SGCZ: variants seen among roughly 807,000 people sequenced by gnomAD.
The protein encoded by SGCZ is zeta-sarcoglycan.
A neutral mutation model predicts 41.3 loss-of-function variants in SGCZ; 40 were observed. The ratio of observed to expected loss-of-function variants is 0.97; its 90% CI spans 0.75 to 1.26. The LOEUF (loss-of-function observed/expected upper bound fraction) is 1.26. Ranked by LOEUF, SGCZ falls within the 50% of genes most tolerant of loss-of-function variation. The pLI is 0.00. For synonymous variants in SGCZ, 206 were observed against 137.5 expected, an observed-to-expected ratio of 1.50 and a Z score of -3.49; for missense variants, 552 against 369.8, an observed-to-expected ratio of 1.49 and a Z score of -4.04.
chr8:15,205,438 C>T (rs961287601), intron 1 of SGCZ, among the ~76,000 whole-genome samples: 8 of 151,930 alleles, frequency 5.3e-5, no homozygotes, highest in African/African-American at 1.7e-4. Context: ...AAAAAGTGGG[C>T]AAAGGACATG....
intron 2 of SGCZ, among the ~76,000 whole-genome samples, chr8:14,436,903 C>T (rs1365976888): frequency 2.0e-5 from 3 of 152,036 alleles, no homozygotes; most frequent in African/African-American, 4.8e-5. Context: ...TAGAAATTTT[C>T]TAAAGAAATA....
chr8:14,380,637 A>T (rs1013400251), intron 2 of SGCZ, among the ~76,000 whole-genome samples: 1 of 152,178 alleles, frequency 6.6e-6, no homozygotes, highest in Non-Finnish European at 1.5e-5. Context: ...GCACATCGTC[A>T]GGTCAACAGG....
intron 1 of SGCZ, among the ~76,000 whole-genome samples, chr8:14,637,955 C>T (rs1445249243): frequency 6.6e-6 from 1 of 151,870 alleles, no homozygotes; most frequent in Non-Finnish European, 1.5e-5. Flanking sequence ...GTTCTGTTTT[C>T]TCCACAGCTT....
intron 1 of SGCZ, among the ~76,000 whole-genome samples, chr8:15,013,835 C>A (rs1012629650): frequency 6.6e-6 from 1 of 152,092 alleles, no homozygotes; most frequent in African/African-American, 2.4e-5. Context: ...AAGAAAACAG[C>A]AAACGAGGCA....
chr8:15,116,074 C>G (rs1264506779), intron 1 of SGCZ, among the ~76,000 whole-genome samples: 1 of 152,102 alleles, frequency 6.6e-6, no homozygotes, highest in East Asian at 1.9e-4. Flanking sequence ...AGCTTCATTC[C>G]AATCAAAAAC....
intron 1 of SGCZ, among the ~76,000 whole-genome samples, chr8:15,209,514 G>T (rs1801173615): frequency 2.2e-5 from 3 of 138,928 alleles, no homozygotes; most frequent in African/African-American, 8.0e-5. Flanking sequence ...GTGGCTTTCA[G>T]CTTGTGTTAA....
chr8:14,951,237 T>TAAAA (rs1800628320), intron 1 of SGCZ, among the ~76,000 whole-genome samples: 1 of 151,990 alleles, frequency 6.6e-6, no homozygotes, highest in Non-Finnish European at 1.5e-5. Flanking sequence ...GAATTATTAA[T>TAAAA]TTCATGTAAA....
chr8:14,689,348 T>A, intron 1 of SGCZ, among the ~76,000 whole-genome samples: 1 of 152,282 alleles, frequency 6.6e-6, no homozygotes, highest in South Asian at 2.1e-4. Context: ...GATTATGTGG[T>A]AAGTAAAAAA....
At chr8:14,870,315 A>T (rs1585334697) in intron 1 of SGCZ, among the ~76,000 whole-genome samples, 3 of 151,524 alleles carry the variant, frequency 2.0e-5, no homozygotes, top group South Asian at 2.1e-4. Context: ...ACGCGGTGAA[A>T]CCCCATCCCT....
At chr8:14,615,539 T>C (rs1221081216) in intron 1 of SGCZ, among the ~76,000 whole-genome samples, 1 of 152,202 alleles carries the variant, frequency 6.6e-6, no homozygotes, top group Non-Finnish European at 1.5e-5. Context: ...GTATCAAGAA[T>C]ATAGTAAGAA....
rs1801584688 is a variant in SGCZ, at chr8:14,088,315, G to A, written c.*2128C>T. On this transcript the variant is annotated 3_prime_UTR_variant, in exon 8 of 8. Coordinates refer to ENST00000382080, the MANE Select transcript of SGCZ (RefSeq NM_139167.4). ...CAATTGATTAGTAGAAGACAGCTGA[G>A]ATTAGAAACAGGGCCAGTTCCTAAT... is the stretch of plus-strand genomic sequence containing the variant. 6.6e-6 allele frequency among the ~76,000 whole-genome samples: 1 copy of A among 151,762 alleles called. No individual in the cohort carries two copies. Among genetic ancestry groups the A allele is most frequent in the Admixed American group, 6.6e-5 (1 of 15,204 alleles).
chr8:15,194,731 C>A (rs970678662), intron 1 of SGCZ, among the ~76,000 whole-genome samples: 4 of 152,114 alleles, frequency 2.6e-5, no homozygotes, highest in African/African-American at 9.7e-5. Flanking sequence ...GAGCCAAGGC[C>A]GCCTTTGGAA....
intron 2 of SGCZ, among the ~76,000 whole-genome samples, chr8:14,348,200 C>T (rs1437563170): frequency 2.0e-5 from 3 of 152,086 alleles, no homozygotes; most frequent in African/African-American, 7.2e-5. Context: ...ACATGCAGAC[C>T]TTTATCCTGC....
intron 1 of SGCZ, among the ~76,000 whole-genome samples, chr8:14,951,322 C>T (rs549227728): frequency 6.6e-6 from 1 of 151,934 alleles, no homozygotes; most frequent in African/African-American, 2.4e-5. Flanking sequence ...TTTTATTTTC[C>T]TATATTTTTC....
chr8:14,624,555 A>ATTATTTTT (rs1438250019), intron 1 of SGCZ, among the ~76,000 whole-genome samples: 6 of 96,252 alleles, frequency 6.2e-5, no homozygotes, highest in East Asian at 3.9e-4. Flanking sequence ...TATTATTATT[A>ATTATTTTT]TTTTTTTTTT....
intron 1 of SGCZ, among the ~76,000 whole-genome samples, chr8:15,038,739 A>G (rs1225088648): frequency 6.6e-6 from 1 of 151,494 alleles, no homozygotes; most frequent in African/African-American, 2.4e-5. Context: ...CGAAATACAT[A>G]AGAAACTCAA....
At chr8:14,113,994 C>T (rs1485111250) in intron 5 of SGCZ, among the ~76,000 whole-genome samples, 2 of 151,988 alleles carry the variant, frequency 1.3e-5, no homozygotes, top group East Asian at 1.9e-4. Flanking sequence ...TGGTTCTTGC[C>T]GCTTGCTTCT....
intron 5 of SGCZ, among the ~76,000 whole-genome samples, chr8:14,115,895 G>T (rs943975003): frequency 2.6e-5 from 4 of 151,874 alleles, no homozygotes; most frequent in Non-Finnish European, 5.9e-5. Context: ...TTTCTGAAGA[G>T]AAACAAAATG....
chr8:14,161,563 G>A (rs1389065045), intron 5 of SGCZ, among the ~76,000 whole-genome samples: 2 of 152,106 alleles, frequency 1.3e-5, no homozygotes, highest in Non-Finnish European at 2.9e-5. Context: ...TCAGGTTAAA[G>A]GTCAACATTG....
Sources: gnomAD v4.1 joint callset for allele counts (sites outside exome capture counted in the v4.1 genomes callset) on GRCh38, gnomAD v4.1.1 for gene constraint, MANE v1.5 for transcripts, NCBI Gene and HGNC (gene_info 2026-07-23, HGNC 2026-07-21) for gene names.